The following RNF150 variants were observed in gnomAD, a reference collection of about 807,000 sequenced individuals.
The protein encoded by RNF150 is ring finger protein 150.
Under a neutral mutation model 39.3 loss-of-function variants are expected in RNF150, and 24 were observed. That is an observed-to-expected ratio of 0.61 (90% CI 0.44 to 0.86). RNF150 has a LOEUF of 0.86. RNF150 is among the 40% of genes least tolerant of loss of function. RNF150 has a pLI of 0.00. For missense variants in RNF150, 502 were observed against 587.8 expected (o/e 0.85, Z 1.51); for synonymous variants, 255 against 227.3 (o/e 1.12, Z -1.10).
intron 1 of RNF150, among the ~76,000 whole-genome samples, chr4:140,971,531 C>T (rs1733465649): frequency 6.6e-6 from 1 of 152,090 alleles, no homozygotes; most frequent in South Asian, 2.1e-4. Flanking sequence ...GCACTTTATA[C>T]TTGAGTGGTG....
intron 1 of RNF150, among the ~76,000 whole-genome samples, chr4:141,203,374 T>C (rs1578795465): frequency 6.6e-6 from 1 of 150,964 alleles, no homozygotes; most frequent in Non-Finnish European, 1.5e-5. Context: ...GATATATATA[T>C]CTTGGAGATA....
intron 2 of RNF150, among the ~76,000 whole-genome samples, chr4:140,954,737 C>T (rs990108508): frequency 6.6e-6 from 1 of 151,688 alleles, no homozygotes; most frequent in Non-Finnish European, 1.5e-5. Flanking sequence ...CAGTTCAACC[C>T]GAGACACATA....
chr4:141,168,975 T>C (rs1179192651), intron 1 of RNF150, among the ~76,000 whole-genome samples: 2 of 152,150 alleles, frequency 1.3e-5, no homozygotes, highest in Non-Finnish European at 2.9e-5. Flanking sequence ...GGGGGACTAT[T>C]GAGAAGGCAT....
At chr4:140,983,368 C>G (rs1357174480) in intron 1 of RNF150, among the ~76,000 whole-genome samples, 2 of 152,138 alleles carry the variant, frequency 1.3e-5, no homozygotes, top group Non-Finnish European at 2.9e-5. Flanking sequence ...ACACTGCTGT[C>G]CAGTTTCTCC....
At chr4:141,031,557 G>A (rs1352416917) in intron 1 of RNF150, among the ~76,000 whole-genome samples, 4 of 151,772 alleles carry the variant, frequency 2.6e-5, no homozygotes, top group African/African-American at 7.2e-5. Flanking sequence ...AATTCAATAG[G>A]AAAAAACCAA....
At chr4:141,007,629 C>T (rs1388859156) in intron 1 of RNF150, among the ~76,000 whole-genome samples, 2 of 152,100 alleles carry the variant, frequency 1.3e-5, no homozygotes. Context: ...TAAAATTTCC[C>T]AACTATTTCA....
chr4:141,013,144 G>C (rs1243713089), intron 1 of RNF150, among the ~76,000 whole-genome samples: 1 of 152,130 alleles, frequency 6.6e-6, no homozygotes, highest in Non-Finnish European at 1.5e-5. Context: ...ATTATGTCAT[G>C]GTGGTTGTAT....
intron 1 of RNF150, among the ~76,000 whole-genome samples, chr4:140,982,631 G>C (rs954808186): frequency 6.6e-6 from 1 of 151,278 alleles, no homozygotes; most frequent in Non-Finnish European, 1.5e-5. Context: ...TAGTGAGCAT[G>C]GGTCACTGGA....
upstream of RNF150, among the ~76,000 whole-genome samples, chr4:141,133,661 C>T (rs1290700655): frequency 1.3e-5 from 2 of 152,010 alleles, no homozygotes; most frequent in African/African-American, 4.8e-5. Flanking sequence ...GGAAGCGACC[C>T]CTCGACCTTT....
intron 1 of RNF150, among the ~76,000 whole-genome samples, chr4:141,167,988 T>A (rs543497308): frequency 4.6e-4 from 70 of 152,120 alleles, no homozygotes; most frequent in Non-Finnish European, 3.8e-4. Flanking sequence ...AAAGAAATCA[T>A]CATCAGAGTG....
chr4:141,191,769 G>T lies in RNF150; in HGVS notation c.-6+21025C>A, dbSNP rs375884728. Reference sequence around the variant, plus strand: ...TTGTTTATAACACACATATGTCTTAGCAAGGGATGCTCCCTGGCTTTGTGC... The same window carrying T: ...TTGTTTATAACACACATATGTCTTATCAAGGGATGCTCCCTGGCTTTGTGC... On this transcript the variant is annotated intron_variant, in intron 1 of 7. Coordinates refer to the RNF150 transcript ENST00000420921. Among the ~76,000 whole-genome samples, 15 of 152,294 alleles carry T rather than the reference G, an allele frequency of 9.8e-5. No individual in the cohort carries two copies. The East Asian group carries it at 2.9e-3, about 29-fold the overall frequency.
chr4:141,137,697 A>G (rs987348187), upstream of RNF150, among the ~76,000 whole-genome samples: 1 of 152,244 alleles, frequency 6.6e-6, no homozygotes, highest in East Asian at 1.9e-4. Flanking sequence ...GGGGAAGATT[A>G]CTGAATGAAA....
rs1728685861 is a variant in RNF150, at chr4:140,865,822, ACAATC to A, written c.*2434_*2438del. 6.6e-6 allele frequency: 1 copy of A among 152,548 alleles called. No individual in the cohort carries two copies. Among genetic ancestry groups the A allele is most frequent in the Non-Finnish European group, 1.5e-5 (1 of 68,018 alleles). The allele number at this position is 152,548 out of a possible 1,614,324, so 9.4% of individuals were successfully genotyped here. On this transcript the variant is annotated 3_prime_UTR_variant, in exon 7 of 7. Transcript: ENST00000515673. Reference sequence around the variant, plus strand: ...AAATACTCGTTAATCAGAGGACTAAACAATCCAAAGCGCATTCTCTCTCTGGGAAT... The same window carrying A: ...AAATACTCGTTAATCAGAGGACTAAACAAAGCGCATTCTCTCTCTGGGAAT...
At chr4:141,194,403 T>A (rs1728164931) in intron 1 of RNF150, among the ~76,000 whole-genome samples, 1 of 152,236 alleles carries the variant, frequency 6.6e-6, no homozygotes, top group South Asian at 2.1e-4. Flanking sequence ...TTTTCACACA[T>A]AACTGAATCT....
chr4:140,956,564 C>T (rs574027897), intron 2 of RNF150, among the ~76,000 whole-genome samples: 1 of 152,240 alleles, frequency 6.6e-6, no homozygotes, highest in East Asian at 1.9e-4. Flanking sequence ...TAGACACAGC[C>T]AGCTTTCTGT....
intron 1 of RNF150, among the ~76,000 whole-genome samples, chr4:141,044,312 G>C (rs371611198): frequency 1.3e-5 from 2 of 152,286 alleles, no homozygotes; most frequent in East Asian, 3.9e-4. Context: ...AGTAGCCCAT[G>C]AACAGAACTG....
chr4:141,104,973 C>T (rs1739148846), intron 1 of RNF150, among the ~76,000 whole-genome samples: 1 of 152,114 alleles, frequency 6.6e-6, no homozygotes. Flanking sequence ...TGATTAACCC[C>T]ATCGTGATTT....
Position 141,114,796 on chromosome 4 carries a change from C to T in RNF150, c.484+17529G>A, listed in dbSNP as rs568694545. Among the ~76,000 whole-genome samples, 349 of 152,256 alleles carry T rather than the reference C, an allele frequency of 2.3e-3. 3 individuals are homozygous for T. Among genetic ancestry groups the T allele is most frequent in the African/African-American group, 8.0e-3 (331 of 41,544 alleles). Reference sequence around the variant, plus strand: ...AGGACATCAAAAAGCTTACACACCACGATCAAGTCAGCTTCATCCCTGGGA... The same window carrying T: ...AGGACATCAAAAAGCTTACACACCATGATCAAGTCAGCTTCATCCCTGGGA... On this transcript the variant is annotated intron_variant, in intron 1 of 6. Coordinates refer to ENST00000515673, the MANE Select transcript of RNF150 (RefSeq NM_020724.2).
intron 1 of RNF150, among the ~76,000 whole-genome samples, chr4:141,078,514 A>G (rs1339212155): frequency 6.6e-6 from 1 of 151,832 alleles, no homozygotes. Context: ...AGATATGTTC[A>G]TAATCACGCC....
Sources: allele counts gnomAD v4.1 joint callset (sites outside exome capture counted in the v4.1 genomes callset), GRCh38; gene constraint gnomAD v4.1.1; transcripts MANE v1.5; gene names NCBI Gene and HGNC (gene_info 2026-07-23, HGNC 2026-07-21).